Variants in FNDC3B observed in about 807,000 individuals in gnomAD.
FNDC3B encodes fibronectin type III domain containing 3B.
Under a neutral mutation model 151.5 loss-of-function variants are expected in FNDC3B, and 12 were observed. The ratio of observed to expected loss-of-function variants is 0.08; its 90% confidence interval spans 0.05 to 0.13. FNDC3B has a LOEUF of 0.13. FNDC3B is among the 10% of genes least tolerant of loss of function. The probability of loss-of-function intolerance (pLI) is 1.00; values close to 1 mark genes in which losing one functional copy is unlikely to be tolerated. For synonymous variants in FNDC3B, 528 were observed against 549.0 expected (o/e 0.96, Z 0.54); for missense variants, 1,214 against 1,505.3 (o/e 0.81, Z 3.20).
chr3:172,350,726 G>A (rs1214482194), intron 21 of FNDC3B, among the ~76,000 whole-genome samples: 3 of 152,108 alleles, frequency 2.0e-5, no homozygotes, highest in Non-Finnish European at 4.4e-5. Flanking sequence ...GGTGGTATGT[G>A]CCTGTGGTTC....
chr3:172,129,072 G>A (rs1203419856), intron 2 of FNDC3B, among the ~76,000 whole-genome samples: 2 of 152,090 alleles, frequency 1.3e-5, no homozygotes, highest in East Asian at 1.9e-4. Context: ...GGGCTCACGC[G>A]ATCCTCCTGC....
At chr3:172,316,331 T>TAGC (rs903876415) in intron 11 of FNDC3B, 3 of 445,150 alleles carry the variant, frequency 6.7e-6, no homozygotes, top group African/African-American at 6.2e-5. Context: ...TATCACTATC[T>TAGC]AGCAGAGGTG....
chr3:172,053,090 C>CTG (rs1423399547), intron 1 of FNDC3B, among the ~76,000 whole-genome samples: 3 of 152,122 alleles, frequency 2.0e-5, no homozygotes, highest in Non-Finnish European at 4.4e-5. Flanking sequence ...TATGTATATT[C>CTG]TGTGTGTGTC....
chr3:172,378,402 C>A lies in FNDC3B; in HGVS notation c.3141C>A (p.Phe1047Leu). The A allele has an allele frequency of 6.2e-7, 1 of 1,613,400 alleles. No individual in the cohort carries two copies. Among genetic ancestry groups the A allele is most frequent in the Non-Finnish European group, 8.5e-7 (1 of 1,179,736 alleles). The change falls in exon 24 of 26, where the codon TTC becomes TTA. Residue 1047 changes from phenylalanine to leucine, a missense_variant. By Grantham distance (22) the Phe-to-Leu change is conservative. Coordinates refer to ENST00000415807, the MANE Select transcript of FNDC3B (RefSeq NM_022763.4). ...GGCCCTTCTCAGAAACCTATACCTTCAGCACAACCAAAAGTGTCCCCCCCA... is the reference window on the plus strand; with the variant it reads ...GGCCCTTCTCAGAAACCTATACCTTAAGCACAACCAAAAGTGTCCCCCCCA... Reference protein sequence around the residue: ...GEGPFSETYTFSTTKSVPPTI... With the variant: ...GEGPFSETYTLSTTKSVPPTI...
intron 22 of FNDC3B, among the ~76,000 whole-genome samples, chr3:172,358,529 G>A (rs1576943739): frequency 6.6e-6 from 1 of 152,340 alleles, no homozygotes; most frequent in East Asian, 1.9e-4. Context: ...CCATTACTTG[G>A]AGGAAGTGGG....
At chr3:172,216,265 C>T (rs1725971199) in intron 3 of FNDC3B, among the ~76,000 whole-genome samples, 3 of 152,058 alleles carry the variant, frequency 2.0e-5, no homozygotes, top group Admixed American at 1.3e-4. Context: ...TTAATGTTTA[C>T]GGGGTCCTGG....
intron 3 of FNDC3B, among the ~76,000 whole-genome samples, chr3:172,222,656 T>C (rs1319295595): frequency 6.6e-5 from 10 of 152,150 alleles, no homozygotes; most frequent in Non-Finnish European, 1.2e-4. Flanking sequence ...CTCTTCACGA[T>C]AGGGTTCGCT....
chr3:172,045,944 T>C (rs981927841), intron 1 of FNDC3B, among the ~76,000 whole-genome samples: 1 of 152,112 alleles, frequency 6.6e-6, no homozygotes, highest in Non-Finnish European at 1.5e-5. Flanking sequence ...TGATGGTAGT[T>C]GAGCACTTTG....
At chr3:172,060,220 A>G (rs1717129549) in intron 1 of FNDC3B, among the ~76,000 whole-genome samples, 1 of 152,202 alleles carries the variant, frequency 6.6e-6, no homozygotes, top group African/African-American at 2.4e-5. Context: ...GAACTTTTGA[A>G]TAAATATAAG....
Position 172,078,458 on chromosome 3 carries a change from T to C in FNDC3B, c.-28-33994T>C, listed in dbSNP as rs527966548. Among the ~76,000 whole-genome samples, 84 of 152,304 alleles carry C rather than the reference T, an allele frequency of 5.5e-4. No homozygotes were observed. The East Asian group carries it at 0.016, about 29-fold the overall frequency. On this transcript the variant is annotated intron_variant, in intron 1 of 25. Coordinates refer to ENST00000415807, the MANE Select transcript of FNDC3B (RefSeq NM_022763.4). ...GTGGCGTCTTGTGGTTTAGGGGCTG[T>C]TGCAATGTCCACCTCCAGTGGAATG... is the stretch of plus-strand genomic sequence containing the variant.
intron 3 of FNDC3B, among the ~76,000 whole-genome samples, chr3:172,207,031 G>A (rs1725468267): frequency 6.6e-6 from 1 of 151,938 alleles, no homozygotes; most frequent in Non-Finnish European, 1.5e-5. Flanking sequence ...GTTTTGGAGG[G>A]GCTACCAAAC....
intron 8 of FNDC3B, among the ~76,000 whole-genome samples, chr3:172,297,648 G>GA (rs1350337390): frequency 2.0e-5 from 3 of 152,004 alleles, no homozygotes; most frequent in Non-Finnish European, 4.4e-5. Context: ...CTAATTTTTT[G>GA]TATTTTTAGT....
At chr3:172,203,179 G>A (rs553396590) in intron 3 of FNDC3B, among the ~76,000 whole-genome samples, 6 of 152,270 alleles carry the variant, frequency 3.9e-5, no homozygotes, top group Admixed American at 1.3e-4. Context: ...ACATCCTGGA[G>A]GACATTGTCT....
intron 4 of FNDC3B, among the ~76,000 whole-genome samples, chr3:172,232,311 A>G (rs1156930194): frequency 6.6e-6 from 1 of 152,246 alleles, no homozygotes. Flanking sequence ...TAAATAGCCG[A>G]AAGTCCTTTA....
At chr3:172,047,058 C>T (rs918970767) in intron 1 of FNDC3B, 2 of 152,182 alleles carry the variant, frequency 1.3e-5, no homozygotes, top group African/African-American at 4.8e-5. Context: ...TGTAAGGATA[C>T]ATCTTTGTTT....
At chr3:172,388,145 C>T (rs908614772) in intron 25 of FNDC3B, among the ~76,000 whole-genome samples, 10 of 152,168 alleles carry the variant, frequency 6.6e-5, no homozygotes, top group African/African-American at 2.2e-4. Flanking sequence ...TATATCTCCC[C>T]TTCAGTTCTT....
intron 6 of FNDC3B, among the ~76,000 whole-genome samples, chr3:172,253,031 A>G (rs376914833): frequency 4.6e-5 from 7 of 152,360 alleles, no homozygotes; most frequent in East Asian, 1.9e-4. Flanking sequence ...AAAAATTATG[A>G]ATAGATTTTC....
chr3:172,279,735 C>T (rs7647250), intron 6 of FNDC3B, among the ~76,000 whole-genome samples: 2,950 of 152,258 alleles, frequency 0.019, 42 homozygotes, highest in Middle Eastern at 0.068. Context: ...GTATTTAAAA[C>T]CACTAACTGT....
rs544276751 is a variant in FNDC3B at position 172,120,912 on chromosome 3, C to T, written c.111+8322C>T. Among the ~76,000 whole-genome samples the T allele has an allele frequency of 4.6e-5, 7 of 151,886 alleles. No homozygotes were observed. The East Asian group carries it at 5.8e-4, about 13-fold the overall frequency. ...CCAGGAGGCGGAGGTTGCAGTGAGCCGAGATTGCGCCATTGCACTCCAGCC... is the reference window on the plus strand; with the variant it reads ...CCAGGAGGCGGAGGTTGCAGTGAGCTGAGATTGCGCCATTGCACTCCAGCC... On this transcript the variant is annotated intron_variant, in intron 2 of 25. Transcript: ENST00000415807.
Sources: allele counts gnomAD v4.1 joint callset (sites outside exome capture counted in the v4.1 genomes callset), GRCh38; gene constraint gnomAD v4.1.1; transcripts MANE v1.5; gene names NCBI Gene and HGNC (gene_info 2026-07-23, HGNC 2026-07-21).